The following ITPR2 variants were observed in gnomAD, a reference collection of about 807,000 sequenced individuals.
ITPR2 encodes inositol 1,4,5-trisphosphate-gated calcium channel ITPR2.
Under a neutral mutation model 317.1 loss-of-function variants are expected in ITPR2, and 207 were observed. That is an observed-to-expected ratio of 0.65 (90% confidence interval 0.58 to 0.73). The LOEUF (loss-of-function observed/expected upper bound fraction) is 0.73. Among genes scored for constraint, ITPR2 ranks in the 30% least tolerant of loss-of-function variants. The pLI, the probability that ITPR2 is intolerant of heterozygous loss-of-function variation, is 0.00. For synonymous variants in ITPR2, 1,156 were observed against 1,149.1 expected (o/e 1.01, Z -0.12); for missense variants, 2,613 against 3,284.0 (o/e 0.80, Z 4.99).
chr12:26,629,295 A>G (rs1565651723), intron 22 of ITPR2, among the ~76,000 whole-genome samples: 1 of 152,154 alleles, frequency 6.6e-6, no homozygotes, highest in African/African-American at 2.4e-5. Flanking sequence ...TTACATTTTA[A>G]GATATCCTCT....
intron 15 of ITPR2, among the ~76,000 whole-genome samples, chr12:26,661,142 A>T (rs1947486945): frequency 6.6e-6 from 1 of 151,868 alleles, no homozygotes; most frequent in Non-Finnish European, 1.5e-5. Flanking sequence ...ACCCTTAACA[A>T]ATGCTGGGGA....
intron 39 of ITPR2, 22 bp downstream of exon 39, chr12:26,494,131 C>A: frequency 6.4e-7 from 1 of 1,571,370 alleles, no homozygotes; most frequent in Non-Finnish European, 8.7e-7. Flanking sequence ...AAATGTAATC[C>A]CCATGATTGA....
rs192061791 is a variant in ITPR2 at position 26,559,246 on chromosome 12, G to A, written c.4821+2516C>T. ...CTCTCCTCTGCTGAAAATCTTCAAT[G>A]AGTTGTCATCACACATAGAATACAA... On this transcript the variant is annotated intron_variant, in intron 35 of 56. Coordinates refer to ENST00000381340, the MANE Select transcript of ITPR2 (RefSeq NM_002223.4). Among the ~76,000 whole-genome samples, 14 of 152,296 alleles carry A rather than the reference G, an allele frequency of 9.2e-5. No individual in the cohort carries two copies. In the East Asian group the frequency reaches 2.3e-3, roughly 25 times the overall value.
chr12:26,569,976 T>C (rs1945116539), intron 34 of ITPR2, among the ~76,000 whole-genome samples: 1 of 152,150 alleles, frequency 6.6e-6, no homozygotes, highest in South Asian at 2.1e-4. Flanking sequence ...AAATATCCAA[T>C]AGTGAGGTTA....
At chr12:26,569,837 A>G (rs28698947) in intron 34 of ITPR2, among the ~76,000 whole-genome samples, 26,324 of 152,192 alleles carry the variant, frequency 0.17, 2,529 homozygotes, top group Non-Finnish European at 0.21. Context: ...ACATTCTCCT[A>G]CATTGCTGGT....
chr12:26,504,344 A>G (rs1408353136), intron 37 of ITPR2, among the ~76,000 whole-genome samples: 1 of 152,216 alleles, frequency 6.6e-6, no homozygotes, highest in Non-Finnish European at 1.5e-5. Flanking sequence ...CTCACTTAAC[A>G]TTCAGAGGCT....
At chr12:26,438,344 A>G (rs946362016) in intron 47 of ITPR2, among the ~76,000 whole-genome samples, 3 of 152,190 alleles carry the variant, frequency 2.0e-5, no homozygotes, top group Admixed American at 2.0e-4. Context: ...AAAGTTGCTG[A>G]AAACTACCAT....
chr12:26,720,564 C>T (rs1445106686), intron 5 of ITPR2, among the ~76,000 whole-genome samples: 1 of 152,142 alleles, frequency 6.6e-6, no homozygotes, highest in Non-Finnish European at 1.5e-5. Flanking sequence ...TGTGCTTATG[C>T]TTTCAGCAAC....
chr12:26,796,399 A>T (rs1217861822), intron 1 of ITPR2, among the ~76,000 whole-genome samples: 4 of 152,260 alleles, frequency 2.6e-5, no homozygotes, highest in Non-Finnish European at 5.9e-5. Flanking sequence ...TTTAAGTCAA[A>T]TGAAAATCTT....
In ITPR2 at chr12:26,535,593, G is replaced by A. The variant is rs185729758; in HGVS notation, c.5073+14654C>T. ...AGTTATCTACCTTGGGACTAAATCA[G>A]TCAAGTACTTGGGGAAGTTGAGCTT... On this transcript the variant is annotated intron_variant, in intron 37 of 56. Transcript: ENST00000381340. 3.6e-4 allele frequency among the ~76,000 whole-genome samples: 55 copies of A among 152,282 alleles called. 1 individual carries two copies. Among genetic ancestry groups the A allele is most frequent in the African/African-American group, 1.3e-3 (52 of 41,564 alleles).
chr12:26,443,088 T>C (rs1156768290), intron 46 of ITPR2, among the ~76,000 whole-genome samples: 1 of 152,144 alleles, frequency 6.6e-6, no homozygotes, highest in Admixed American at 6.6e-5. Context: ...AAATGGAAAC[T>C]GTTAAACCTT....
chr12:26,356,705 A>G (rs1379572651), intron 55 of ITPR2, among the ~76,000 whole-genome samples: 1 of 152,036 alleles, frequency 6.6e-6, no homozygotes, highest in Non-Finnish European at 1.5e-5. Flanking sequence ...AACTTTATAC[A>G]TTTTTCTCAT....
chr12:26,342,496 G>C (rs1211774912), intron 55 of ITPR2, among the ~76,000 whole-genome samples: 4 of 9,334 alleles, frequency 4.3e-4, no homozygotes, highest in African/African-American at 9.8e-4. Flanking sequence ...GGTCACGGCG[G>C]TGGGGGGGGG....
intron 55 of ITPR2, among the ~76,000 whole-genome samples, chr12:26,354,305 T>C (rs1162074610): frequency 6.6e-6 from 1 of 152,138 alleles, no homozygotes; most frequent in Non-Finnish European, 1.5e-5. Flanking sequence ...TTTTGGTAAA[T>C]GCATCTGTTA....
At chr12:26,735,959 C>G (rs1949112797) in intron 2 of ITPR2, among the ~76,000 whole-genome samples, 1 of 152,196 alleles carries the variant, frequency 6.6e-6, no homozygotes, top group African/African-American at 2.4e-5. Flanking sequence ...CTATAGCACC[C>G]ATCTATCAGA....
Position 26,400,135 on chromosome 12 carries a change from G to A in ITPR2, c.7523C>T (p.Ser2508Leu), listed in dbSNP as rs201854229. The stretch of plus-strand genomic sequence containing the variant: ...ACTTTTACTCTGGCTTACATCTTTC[G>A]ATGGCCTTCTTAGCACATCCCCCAC... ...GGVGDVLRRP[S>L]KDEPLFAARV... Residue 2508 changes from serine (S) to leucine (L), a missense_variant, in exon 53 of 57, where the codon TCG (serine) becomes TTG (leucine). Transcript: ENST00000381340. The A allele has an allele frequency of 3.7e-6, 6 of 1,607,376 alleles. No homozygotes were observed. In the Admixed American group the frequency reaches 5.1e-5, roughly 14 times the overall value.
chr12:26,575,407 G>A (rs1427126198), intron 34 of ITPR2, among the ~76,000 whole-genome samples: 3 of 151,876 alleles, frequency 2.0e-5, no homozygotes, highest in Non-Finnish European at 2.9e-5. Flanking sequence ...ATGAGGCCAC[G>A]ATGCGGGGAA....
chr12:26,583,833 T>C (rs1945458697), intron 32 of ITPR2, among the ~76,000 whole-genome samples: 1 of 152,186 alleles, frequency 6.6e-6, no homozygotes, highest in Admixed American at 6.6e-5. Flanking sequence ...ATTCCCAATC[T>C]GTAATATGTT....
At chr12:26,568,186 G>T (rs1945064931) in intron 34 of ITPR2, among the ~76,000 whole-genome samples, 1 of 150,280 alleles carries the variant, frequency 6.7e-6, no homozygotes, top group Admixed American at 6.6e-5. Context: ...TAATACAAAG[G>T]GTCACTTTAA....
Sources: allele counts gnomAD v4.1 joint callset (sites outside exome capture counted in the v4.1 genomes callset), GRCh38; gene constraint gnomAD v4.1.1; transcripts MANE v1.5; gene names NCBI Gene and HGNC (gene_info 2026-07-23, HGNC 2026-07-21).